Variants in LPP observed in about 807,000 individuals in gnomAD.
LPP encodes the protein LIM domain containing preferred translocation partner in lipoma, also known as lipoma-preferred partner.
Under a neutral mutation model 60.4 loss-of-function variants are expected in LPP, and 38 were observed. The observed-to-expected ratio is 0.63, with a 90% CI of 0.49 to 0.83. The LOEUF (loss-of-function observed/expected upper bound fraction) is 0.83, where lower values mean the gene tolerates loss of function less well. LPP is among the 40% of genes least tolerant of loss of function. LPP has a pLI of 0.00. For synonymous variants in LPP, 328 were observed against 290.8 expected, an observed-to-expected ratio of 1.13 and a Z score of -1.30; for missense variants, 902 against 783.6, an observed-to-expected ratio of 1.15 and a Z score of -1.80.
intron 9 of LPP, among the ~76,000 whole-genome samples, chr3:188,793,356 A>G: frequency 6.6e-6 from 1 of 151,866 alleles, no homozygotes; most frequent in East Asian, 1.9e-4. Flanking sequence ...TAATTTTTGT[A>G]TTTTTAGCAG....
At chr3:188,496,966 A>G (rs1810404700) in intron 5 of LPP, among the ~76,000 whole-genome samples, 1 of 151,522 alleles carries the variant, frequency 6.6e-6, no homozygotes, top group Non-Finnish European at 1.5e-5. Flanking sequence ...TACTACGGAA[A>G]TAAGTTAAAT....
chr3:188,561,326 G>C (rs890987675), intron 6 of LPP, among the ~76,000 whole-genome samples: 2 of 152,040 alleles, frequency 1.3e-5, no homozygotes, highest in Non-Finnish European at 2.9e-5. Context: ...TGATACTTGA[G>C]TGTGTATTGT....
At position 188,766,455 on chromosome 3, in the gene LPP, G is replaced by A. The variant is rs118101568; in HGVS notation, c.1410+6173G>A. ...TGCTCAGTGCTTTAACTTTTATGAA[G>A]CACTTTTCTTTTATCATATTACCCT... On this transcript the variant is annotated intron_variant, in intron 9 of 11. Transcript: ENST00000617246. 3.3e-5 allele frequency among the ~76,000 whole-genome samples: 5 copies of A among 149,706 alleles called. No homozygotes were observed. The East Asian group carries it at 9.9e-4, about 30-fold the overall frequency.
Position 188,182,091 on chromosome 3 carries a change from C to A in LPP, c.-190+27839C>A, listed in dbSNP as rs893746942. ...TGAGATGTCTCTTTCTTAAGTCTAA[C>A]TCCTCGTGAGTCTTTCCAGCCTCAG... On this transcript the variant is annotated intron_variant, in intron 1 of 11. Coordinates refer to ENST00000617246, the MANE Select transcript of LPP (RefSeq NM_001375462.1). This position sits in a 1 kb window ranked among gnomAD's most constrained non-coding sequence, Gnocchi z 4.4. Among the ~76,000 whole-genome samples the A allele has an allele frequency of 1.7e-4, 26 of 152,342 alleles. No homozygotes were observed. Among genetic ancestry groups the A allele is most frequent in the African/African-American group, 6.0e-4 (25 of 41,566 alleles).
intron 2 of LPP, among the ~76,000 whole-genome samples, chr3:188,303,321 C>T (rs1045213592): frequency 2.0e-5 from 3 of 152,188 alleles, no homozygotes; most frequent in African/African-American, 7.2e-5. Flanking sequence ...GTTGCCAGCA[C>T]CTGTACTAAA....
At chr3:188,417,431 G>A (rs1217668731) in intron 4 of LPP, among the ~76,000 whole-genome samples, 1 of 151,980 alleles carries the variant, frequency 6.6e-6, no homozygotes, top group Non-Finnish European at 1.5e-5. Flanking sequence ...GGCATGCCAA[G>A]TAAAGGGAAC....
intron 4 of LPP, among the ~76,000 whole-genome samples, chr3:188,451,036 CTG>C (rs948723020): frequency 2.6e-5 from 4 of 151,856 alleles, no homozygotes; most frequent in African/African-American, 7.3e-5. Flanking sequence ...TCACTAGGCT[CTG>C]TGTTTTTTGT....
chr3:188,814,743 T>C (rs890624913), intron 9 of LPP, among the ~76,000 whole-genome samples: 1 of 152,274 alleles, frequency 6.6e-6, no homozygotes, highest in Admixed American at 6.5e-5. Flanking sequence ...ACTTTTCTGC[T>C]AGCTCTTAGA....
chr3:188,841,952 G>C (rs1465701541), intron 9 of LPP, among the ~76,000 whole-genome samples: 3 of 152,178 alleles, frequency 2.0e-5, no homozygotes, highest in Admixed American at 6.5e-5. Context: ...GGGCTGAGAC[G>C]ATGGGGTTTT....
intron 8 of LPP, chr3:188,712,836 C>T (rs1474134219): frequency 6.8e-6 from 1 of 146,004 alleles, no homozygotes; most frequent in African/African-American, 2.4e-5. Context: ...TAAATGATGT[C>T]AACAGAGTAG....
chr3:188,702,955 A>G (rs750488385), intron 7 of LPP, among the ~76,000 whole-genome samples: 2 of 152,118 alleles, frequency 1.3e-5, no homozygotes, highest in Non-Finnish European at 2.9e-5. Flanking sequence ...AGCACACCCC[A>G]GTTTCAACGT....
rs1560308266 is a variant in LPP, at chr3:188,862,721, AAATAAATAAATAAATAAAAG to A, written c.1411-3476_1411-3457del. 5.3e-4 allele frequency among the ~76,000 whole-genome samples: 27 copies of A among 51,304 alleles called. 1 individual carries two copies. Among genetic ancestry groups the A allele is most frequent in the Non-Finnish European group, 9.3e-4 (19 of 20,410 alleles). The allele number at this position is 51,304 out of a possible 152,430, so 33.7% of individuals were successfully genotyped here. A position where few individuals can be genotyped will look rare whatever the true frequency, so the allele number is the denominator to read the frequency against. Reference sequence around the variant, plus strand: ...TGGCAACCCTACTAGACAAAAAAATAAATAAATAAATAAATAAAAGAAAAAAGAAAAGAAAGAAAGAAAAA... The same window carrying A: ...TGGCAACCCTACTAGACAAAAAAATAAAAAAAGAAAAGAAAGAAAGAAAAA... On this transcript the variant is annotated intron_variant, in intron 9 of 11. Coordinates refer to ENST00000617246, the MANE Select transcript of LPP (RefSeq NM_001375462.1).
chr3:188,371,643 T>TATATATATA (rs1560311234), intron 3 of LPP, among the ~76,000 whole-genome samples: 39 of 15,060 alleles, frequency 2.6e-3, no homozygotes, highest in South Asian at 6.2e-3. Context: ...ATATATATAT[T>TATATATATA]TTTTTTTTTT....
intron 8 of LPP, among the ~76,000 whole-genome samples, chr3:188,732,560 A>G (rs762817845): frequency 6.6e-6 from 1 of 152,104 alleles, no homozygotes; most frequent in East Asian, 1.9e-4. Context: ...TCTACTAAAA[A>G]TACAACAATT....
intron 9 of LPP, among the ~76,000 whole-genome samples, chr3:188,793,347 A>G (rs184269315): frequency 6.6e-6 from 1 of 152,090 alleles, no homozygotes; most frequent in Admixed American, 6.5e-5. Flanking sequence ...ACGCCCAGCT[A>G]ATTTTTGTAT....
At chr3:188,663,460 A>G (rs1426273491) in intron 7 of LPP, among the ~76,000 whole-genome samples, 2 of 152,154 alleles carry the variant, frequency 1.3e-5, no homozygotes, top group African/African-American at 2.4e-5. Context: ...TCTTTCAAAC[A>G]AGTTTTTACT....
chr3:188,692,766 G>A (rs1001765202), intron 7 of LPP, among the ~76,000 whole-genome samples: 2 of 152,232 alleles, frequency 1.3e-5, no homozygotes, highest in Non-Finnish European at 1.5e-5. Flanking sequence ...TCAGGTATAT[G>A]TAGTTTTTGT....
chr3:188,626,360 T>C (rs2151645361), intron 7 of LPP, among the ~76,000 whole-genome samples: 1 of 152,252 alleles, frequency 6.6e-6, no homozygotes, highest in South Asian at 2.1e-4. Flanking sequence ...TAAGAGGATA[T>C]GTGTAGGTTA....
intron 8 of LPP, among the ~76,000 whole-genome samples, chr3:188,757,227 CGTG>C (rs1730569087): frequency 2.5e-5 from 2 of 79,218 alleles, no homozygotes; most frequent in Non-Finnish European, 7.0e-5. Flanking sequence ...GCACTGACAT[CGTG>C]ACATCGTCGA....
Sources: gnomAD v4.1 joint callset for allele counts (sites outside exome capture counted in the v4.1 genomes callset) on GRCh38, gnomAD v4.1.1 for gene constraint, Gnocchi (gnomAD v3.1) non-coding constraint, MANE v1.5 for transcripts, NCBI Gene and HGNC (gene_info 2026-07-23, HGNC 2026-07-21) for gene names.